ARHGAP24: variants seen among roughly 807,000 people sequenced by gnomAD.
The protein encoded by ARHGAP24 is rho GTPase-activating protein 24.
A neutral mutation model predicts 76.4 loss-of-function variants in ARHGAP24; 50 were observed. The observed-to-expected ratio is 0.65, with a 90% CI of 0.52 to 0.83. The LOEUF is 0.83. Among genes scored for constraint, ARHGAP24 ranks in the 40% least tolerant of loss-of-function variants. The pLI is 0.00. For missense variants in ARHGAP24, 930 were observed against 914.2 expected (o/e 1.02, Z -0.22); for synonymous variants, 345 against 323.3 (o/e 1.07, Z -0.72).
chr4:85,735,836 A>G (rs1560608255), intron 3 of ARHGAP24, among the ~76,000 whole-genome samples: 1 of 152,230 alleles, frequency 6.6e-6, no homozygotes, highest in African/African-American at 2.4e-5. Context: ...ATTAAAAAGT[A>G]CATAGAGCTC....
chr4:85,948,636 T>C (rs1013156980), intron 5 of ARHGAP24, among the ~76,000 whole-genome samples: 1 of 152,206 alleles, frequency 6.6e-6, no homozygotes, highest in African/African-American at 2.4e-5. Context: ...CCTTATTATC[T>C]CTTTTATAAA....
At chr4:85,812,271 T>A (rs899968620) in intron 3 of ARHGAP24, among the ~76,000 whole-genome samples, 3 of 152,152 alleles carry the variant, frequency 2.0e-5, no homozygotes, top group African/African-American at 2.4e-5. Context: ...TTCCAAAAAA[T>A]TATTTTCATA....
At chr4:85,568,252 AG>A (rs1431311089) in intron 1 of ARHGAP24, among the ~76,000 whole-genome samples, 4 of 147,006 alleles carry the variant, frequency 2.7e-5, no homozygotes, top group Non-Finnish European at 5.9e-5. Context: ...AAATTACCTA[AG>A]GGCCCTAAGT....
intron 3 of ARHGAP24, among the ~76,000 whole-genome samples, chr4:85,756,141 A>G (rs1726485017): frequency 1.3e-5 from 2 of 152,232 alleles, no homozygotes; most frequent in South Asian, 2.1e-4. Context: ...TTGAGGATAC[A>G]TATCTTACAA....
intron 3 of ARHGAP24, among the ~76,000 whole-genome samples, chr4:85,735,213 A>C (rs893756234): frequency 3.3e-5 from 5 of 152,192 alleles, no homozygotes; most frequent in Non-Finnish European, 5.9e-5. Flanking sequence ...ATGCATACTA[A>C]AGTTTTAAAA....
chr4:85,602,926 A>G (rs2109989409), intron 2 of ARHGAP24, among the ~76,000 whole-genome samples: 1 of 152,310 alleles, frequency 6.6e-6, no homozygotes, highest in East Asian at 1.9e-4. Context: ...ATTAATCATG[A>G]TTACCTCACT....
intron 2 of ARHGAP24, among the ~76,000 whole-genome samples, chr4:85,599,671 A>G (rs6836392): frequency 0.93 from 141,539 of 151,818 alleles, 66,016 homozygotes; most frequent in East Asian, 0.98. Flanking sequence ...CTATTAAATT[A>G]TTTTTTTTTT....
At chr4:85,565,965 C>T (rs897861825) in intron 1 of ARHGAP24, among the ~76,000 whole-genome samples, 9 of 152,240 alleles carry the variant, frequency 5.9e-5, no homozygotes, top group African/African-American at 1.9e-4. Context: ...CAACAAAGAA[C>T]CATACAAACA....
At chr4:85,863,677 A>G (rs1427971211) in intron 3 of ARHGAP24, among the ~76,000 whole-genome samples, 2 of 152,076 alleles carry the variant, frequency 1.3e-5, no homozygotes, top group African/African-American at 4.8e-5. Flanking sequence ...ATACTTCGAC[A>G]ACAGTAACTT....
intron 3 of ARHGAP24, among the ~76,000 whole-genome samples, chr4:85,813,616 T>C (rs1486529969): frequency 3.3e-5 from 5 of 151,916 alleles, no homozygotes; most frequent in Non-Finnish European, 7.4e-5. Context: ...TTGTTACTTA[T>C]GAAAAAATAA....
chr4:85,570,361 T>C (rs1032508146), intron 1 of ARHGAP24, among the ~76,000 whole-genome samples, 161 bp from the exon 2 acceptor site: 1 of 142,198 alleles, frequency 7.0e-6, no homozygotes, highest in Non-Finnish European at 1.5e-5. Context: ...TCTTTCTTTC[T>C]TTCTCTTTCT....
chr4:85,915,944 G>GTC (rs1326732525), intron 3 of ARHGAP24, among the ~76,000 whole-genome samples: 2 of 152,150 alleles, frequency 1.3e-5, no homozygotes, highest in African/African-American at 4.8e-5. Context: ...CCAGTAATGG[G>GTC]GTTGCTGGGT....
At chr4:85,560,401 T>G (rs1560532832) in intron 1 of ARHGAP24, among the ~76,000 whole-genome samples, 1 of 152,176 alleles carries the variant, frequency 6.6e-6, no homozygotes, top group Non-Finnish European at 1.5e-5. Context: ...TTTTTATGGT[T>G]CATTTCAGTA....
At chr4:85,944,870 G>A (rs1334223802) in intron 5 of ARHGAP24, among the ~76,000 whole-genome samples, 1 of 151,694 alleles carries the variant, frequency 6.6e-6, no homozygotes, top group East Asian at 1.9e-4. Context: ...TTTTTGAGAT[G>A]GAGTTTCATT....
intron 3 of ARHGAP24, among the ~76,000 whole-genome samples, chr4:85,790,123 C>T (rs1271126321): frequency 2.6e-5 from 4 of 152,086 alleles, no homozygotes; most frequent in Non-Finnish European, 4.4e-5. Context: ...CCAGAATATG[C>T]ATTTTAACAA....
At chr4:85,519,674 C>T (rs1418016385) in intron 1 of ARHGAP24, among the ~76,000 whole-genome samples, 1 of 152,108 alleles carries the variant, frequency 6.6e-6, no homozygotes, top group African/African-American at 2.4e-5. Flanking sequence ...AGCAGCAATT[C>T]GATTTTTCTA....
intron 3 of ARHGAP24, among the ~76,000 whole-genome samples, chr4:85,872,345 G>A (rs958863256): frequency 6.6e-6 from 1 of 151,782 alleles, no homozygotes. Flanking sequence ...CCCCCAGGCT[G>A]GAGTGCAGTG....
rs983809659 is a variant in ARHGAP24 at position 85,754,925 on chromosome 4, C to T, written c.268+32953C>T. ...ATTATTTCTGTCCTGTCTACCTCCC[C>T]GGGTTGTTACAAAATCAGATTAGGC... On this transcript the variant is annotated intron_variant, in intron 3 of 9. Transcript: ENST00000395184. 1.3e-4 allele frequency among the ~76,000 whole-genome samples: 20 copies of T among 152,260 alleles called. No individual in the cohort carries two copies. In the East Asian group the frequency reaches 1.5e-3, roughly 12 times the overall value.
At chr4:85,633,465 T>G (rs1307693355) in intron 2 of ARHGAP24, among the ~76,000 whole-genome samples, 1 of 151,924 alleles carries the variant, frequency 6.6e-6, no homozygotes, top group Non-Finnish European at 1.5e-5. Context: ...GGGCAATTTC[T>G]TTTAACTTTA....
Sources: allele counts gnomAD v4.1 joint callset (sites outside exome capture counted in the v4.1 genomes callset), GRCh38; gene constraint gnomAD v4.1.1; transcripts MANE v1.5; gene names NCBI Gene and HGNC (gene_info 2026-07-23, HGNC 2026-07-21).